Variants in KHDRBS2 observed in about 807,000 individuals in gnomAD.
The protein encoded by KHDRBS2 is KH domain-containing, RNA-binding, signal transduction-associated protein 2.
KHDRBS2 carries 26 observed loss-of-function variants against 44.3 expected under a neutral mutation model. The observed-to-expected ratio is 0.59, with a 90% CI of 0.43 to 0.81. KHDRBS2 has a LOEUF of 0.81. Among genes scored for constraint, KHDRBS2 ranks in the 40% least tolerant of loss-of-function variants. The probability of loss-of-function intolerance (pLI) is 0.00; values close to 1 mark genes in which losing one functional copy is unlikely to be tolerated. For missense variants in KHDRBS2, 476 were observed against 433.1 expected, an observed-to-expected ratio of 1.10 and a Z score of -0.88; for synonymous variants, 194 against 151.1, an observed-to-expected ratio of 1.28 and a Z score of -2.08.
chr6:61,559,029 C>A, the KHDRBS2 span, among the ~76,000 whole-genome samples: 2 of 151,918 alleles, frequency 1.3e-5, no homozygotes, highest in Non-Finnish European at 2.9e-5. Flanking sequence ...GTCTCCAGTT[C>A]TTTTTATGAT....
chr6:62,259,169 T>C (rs1192139844), intron 1 of KHDRBS2, among the ~76,000 whole-genome samples: 3 of 152,014 alleles, frequency 2.0e-5, no homozygotes, highest in Non-Finnish European at 4.4e-5. Flanking sequence ...CTAAATGAAA[T>C]GTATGGCCAT....
chr6:61,993,215 T>A (rs1776471078), intron 3 of KHDRBS2, among the ~76,000 whole-genome samples: 1 of 152,090 alleles, frequency 6.6e-6, no homozygotes. Flanking sequence ...TCTTATTTCA[T>A]GTGGCCCAGA....
At chr6:62,053,536 TTTTA>T (rs1789562536) in intron 2 of KHDRBS2, among the ~76,000 whole-genome samples, 1 of 151,986 alleles carries the variant, frequency 6.6e-6, no homozygotes, top group Non-Finnish European at 1.5e-5. Flanking sequence ...AAGGCTAGCA[TTTTA>T]TTTGTTTGGA....
intron 4 of KHDRBS2, among the ~76,000 whole-genome samples, chr6:61,970,708 G>C (rs1395341849): frequency 2.0e-5 from 3 of 152,100 alleles, no homozygotes; most frequent in Admixed American, 6.6e-5. Flanking sequence ...AAACCAACAA[G>C]GCCAACTAGA....
chr6:62,006,130 T>C (rs1229824907), intron 3 of KHDRBS2, among the ~76,000 whole-genome samples: 1 of 151,906 alleles, frequency 6.6e-6, no homozygotes, highest in Non-Finnish European at 1.5e-5. Flanking sequence ...CAGGATAAAT[T>C]TGTAATATTT....
the KHDRBS2 span, among the ~76,000 whole-genome samples, chr6:61,578,762 C>T: frequency 6.6e-6 from 1 of 151,984 alleles, no homozygotes; most frequent in Non-Finnish European, 1.5e-5. Context: ...CTATCTTCAC[C>T]AATTAAATAA....
At chr6:62,122,426 C>G (rs1326777981) in intron 2 of KHDRBS2, among the ~76,000 whole-genome samples, 1 of 152,172 alleles carries the variant, frequency 6.6e-6, no homozygotes, top group Non-Finnish European at 1.5e-5. Context: ...TCTGACCTAT[C>G]TAACCATAAA....
intron 3 of KHDRBS2, among the ~76,000 whole-genome samples, chr6:62,024,740 C>T (rs75876705): frequency 4.0e-5 from 6 of 151,426 alleles, no homozygotes; most frequent in Non-Finnish European, 5.9e-5. Flanking sequence ...AAAAAATTGC[C>T]GCTTTGACCT....
chr6:61,552,028 G>T, the KHDRBS2 span, among the ~76,000 whole-genome samples: 1 of 151,774 alleles, frequency 6.6e-6, no homozygotes, highest in Non-Finnish European at 1.5e-5. Context: ...CTTTACTGAA[G>T]TTGTTTATCA....
chr6:61,567,842 C>T, the KHDRBS2 span, among the ~76,000 whole-genome samples: 2 of 152,126 alleles, frequency 1.3e-5, no homozygotes, highest in Admixed American at 6.6e-5. Flanking sequence ...ACATCCAATA[C>T]ATTAATATAG....
intron 4 of KHDRBS2, among the ~76,000 whole-genome samples, chr6:61,958,543 A>T (rs1055210628): frequency 2.6e-5 from 4 of 152,182 alleles, no homozygotes; most frequent in Non-Finnish European, 5.9e-5. Flanking sequence ...CAACAGTGAT[A>T]TTTCTCTGTA....
intron 3 of KHDRBS2, among the ~76,000 whole-genome samples, chr6:62,002,592 T>A: frequency 6.6e-6 from 1 of 151,278 alleles, no homozygotes; most frequent in South Asian, 2.1e-4. Flanking sequence ...AAATTGTTTA[T>A]CTGAAGATTT....
chr6:61,672,740 A>G, the KHDRBS2 span, among the ~76,000 whole-genome samples: 1 of 151,204 alleles, frequency 6.6e-6, no homozygotes, highest in Non-Finnish European at 1.5e-5. Flanking sequence ...TAGATTCTGG[A>G]TATTAGCCCT....
intron 1 of KHDRBS2, among the ~76,000 whole-genome samples, chr6:62,261,675 G>A (rs1838370495): frequency 6.6e-6 from 1 of 151,798 alleles, no homozygotes; most frequent in African/African-American, 2.4e-5. Context: ...CCCTAGGCTA[G>A]AAATTAGCTT....
intron 6 of KHDRBS2, among the ~76,000 whole-genome samples, chr6:61,768,086 T>TA (rs1387360817): frequency 6.6e-6 from 1 of 152,194 alleles, no homozygotes; most frequent in African/African-American, 2.4e-5. Flanking sequence ...TCCTTCTTGT[T>TA]TGAAGCATAT....
the KHDRBS2 span, among the ~76,000 whole-genome samples, chr6:61,609,949 G>C: frequency 6.6e-6 from 1 of 152,204 alleles, no homozygotes; most frequent in African/African-American, 2.4e-5. Flanking sequence ...CAAGGCGGGA[G>C]GATCACGAGG....
At chr6:61,563,359 C>A in the KHDRBS2 span, among the ~76,000 whole-genome samples, 1 of 152,064 alleles carries the variant, frequency 6.6e-6, no homozygotes, top group Non-Finnish European at 1.5e-5. Context: ...GAAATCACAT[C>A]TTATCTATAC....
At chr6:62,071,250 A>G (rs1431001224) in intron 2 of KHDRBS2, among the ~76,000 whole-genome samples, 1 of 152,202 alleles carries the variant, frequency 6.6e-6, no homozygotes, top group East Asian at 1.9e-4. Flanking sequence ...GCCCTTTGTC[A>G]GATGAGTAGA....
chr6:62,206,008 C>T (rs75714243), intron 1 of KHDRBS2, among the ~76,000 whole-genome samples: 2 of 152,080 alleles, frequency 1.3e-5, no homozygotes, highest in African/African-American at 4.8e-5. Context: ...AGCCAGCTTG[C>T]TGAAGGAGCT....
Sources: gnomAD v4.1 joint callset for allele counts (sites outside exome capture counted in the v4.1 genomes callset) on GRCh38, gnomAD v4.1.1 for gene constraint, MANE v1.5 for transcripts, NCBI Gene and HGNC (gene_info 2026-07-23, HGNC 2026-07-21) for gene names.